Variants in QKI observed in about 807,000 individuals in gnomAD.
The protein encoded by QKI is QKI, KH domain containing RNA binding.
Under a neutral mutation model 39.0 loss-of-function variants are expected in QKI, and 10 were observed. The observed-to-expected ratio is 0.26, with a 90% CI of 0.16 to 0.43. The LOEUF is 0.43. QKI is among the 20% of genes least tolerant of loss of function. The pLI, the probability that QKI is intolerant of heterozygous loss-of-function variation, is 1.00. For synonymous variants in QKI, 204 were observed against 155.4 expected, an observed-to-expected ratio of 1.31 and a Z score of -2.33; for missense variants, 218 against 428.0, an observed-to-expected ratio of 0.51 and a Z score of 4.33.
chr6:163,566,673 C>G (rs1393955702), intron 6 of QKI, 48 bp from the exon 7 acceptor site: 8 of 1,603,142 alleles, frequency 5.0e-6, no homozygotes, highest in Non-Finnish European at 6.8e-6. Context: ...TTTTTTCCCC[C>G]CTTGTGAATG....
At chr6:163,570,474 C>T (rs994253428) in intron 7 of QKI, 10 of 957,252 alleles carry the variant, frequency 1.0e-5, no homozygotes, top group Non-Finnish European at 1.2e-5. Context: ...GGAGTGGGCT[C>T]TTCTTCATTT....
At chr6:163,559,636 A>G (rs1782872917) in intron 4 of QKI, among the ~76,000 whole-genome samples, 1 of 152,176 alleles carries the variant, frequency 6.6e-6, no homozygotes, top group Admixed American at 6.5e-5. Flanking sequence ...AGGTTTTTAA[A>G]AAGTTGGCAG....
chr6:163,558,388 C>CA (rs1562542831), intron 4 of QKI, among the ~76,000 whole-genome samples: 1 of 148,982 alleles, frequency 6.7e-6, no homozygotes, highest in African/African-American at 2.5e-5. Context: ...GTTGTCTCTT[C>CA]TTTTTTTTTC....
intron 7 of QKI, chr6:163,568,995 G>GT (rs1783542138): frequency 3.0e-6 from 3 of 985,048 alleles, no homozygotes; most frequent in South Asian, 4.7e-5. Flanking sequence ...AGAAGTCAGA[G>GT]TTTTTTCTGA....
intron 4 of QKI, among the ~76,000 whole-genome samples, chr6:163,540,486 C>T (rs1287446765): frequency 6.6e-6 from 1 of 152,064 alleles, no homozygotes; most frequent in East Asian, 1.9e-4. Context: ...CTTTTCAATT[C>T]GTATTTGGGT....
chr6:163,440,782 G>A (rs1211216326), intron 1 of QKI, among the ~76,000 whole-genome samples: 5 of 152,240 alleles, frequency 3.3e-5, no homozygotes, highest in Admixed American at 2.6e-4. Context: ...TAGGGCCTTG[G>A]CCAGTGCCTG....
chr6:163,530,728 GTCTC>G (rs959063953), intron 3 of QKI, among the ~76,000 whole-genome samples: 3 of 152,190 alleles, frequency 2.0e-5, no homozygotes, highest in South Asian at 4.1e-4. Context: ...GGGTTGGTCG[GTCTC>G]TCTCTTCACA....
chr6:163,547,103 T>G (rs1331748633), intron 4 of QKI, among the ~76,000 whole-genome samples: 1 of 152,170 alleles, frequency 6.6e-6, no homozygotes, highest in Non-Finnish European at 1.5e-5. Flanking sequence ...TAGCTTACTT[T>G]GTGACAGTAA....
At chr6:163,491,941 A>G (rs1394926680) in intron 3 of QKI, among the ~76,000 whole-genome samples, 4 of 152,234 alleles carry the variant, frequency 2.6e-5, no homozygotes, top group Non-Finnish European at 4.4e-5. Context: ...AGTCTCAGTG[A>G]AAAGGGAGAG....
At chr6:163,562,278 G>GT (rs888330964) in intron 5 of QKI, among the ~76,000 whole-genome samples, 4 of 152,208 alleles carry the variant, frequency 2.6e-5, no homozygotes, top group African/African-American at 7.2e-5. Flanking sequence ...GCATGTTGAA[G>GT]TTTTAGGTTG....
chr6:163,424,843 C>G (rs1562419249), intron 1 of QKI, among the ~76,000 whole-genome samples: 2 of 152,008 alleles, frequency 1.3e-5, no homozygotes, highest in East Asian at 3.9e-4. Flanking sequence ...GTTAGCCAGG[C>G]TGGTCTCCAA....
At chr6:163,551,716 G>A (rs765023500) in intron 4 of QKI, among the ~76,000 whole-genome samples, 3 of 152,156 alleles carry the variant, frequency 2.0e-5, no homozygotes, top group Non-Finnish European at 4.4e-5. Context: ...AATATCTCCT[G>A]GTGAAAAGCA....
chr6:163,524,629 C>G (rs957273503), intron 3 of QKI, among the ~76,000 whole-genome samples: 3 of 75,868 alleles, frequency 4.0e-5, no homozygotes, highest in Non-Finnish European at 8.0e-5. Flanking sequence ...CCACCATGCC[C>G]GGCTAATTTT....
intron 4 of QKI, among the ~76,000 whole-genome samples, chr6:163,547,212 G>A (rs890304744): frequency 2.0e-5 from 3 of 152,014 alleles, no homozygotes; most frequent in African/African-American, 7.3e-5. Context: ...AGCGTTGAAC[G>A]ACTGACAAAA....
At chr6:163,534,898 A>G in intron 3 of QKI, 84 bp from the exon 4 acceptor site, 1 of 1,085,688 alleles carries the variant, frequency 9.2e-7, no homozygotes. Flanking sequence ...TAGCTGAAAT[A>G]ATTGACAACA....
Position 163,414,815 on chromosome 6 carries a change from G to C in QKI, c.-379G>C, listed in dbSNP as rs1291444005. On this transcript the variant is annotated 5_prime_UTR_variant, in exon 1 of 8. Coordinates refer to ENST00000361752, the MANE Select transcript of QKI (RefSeq NM_006775.3). ...GGCACAGGCGGCGGCGGCGCTGAGC[G>C]GGCTCGACCAGCCGAGCGAGCGGCG... The C allele has an allele frequency of 6.9e-6, 1 of 145,946 alleles. No homozygotes were observed. The highest frequency in any genetic ancestry group is 1.5e-5 in the Non-Finnish European group (1 of 65,730). 9.0% of individuals were successfully genotyped at this position (145,946 alleles called of 1,614,324 possible).
At chr6:163,464,024 A>G (rs1180456481) in intron 2 of QKI, among the ~76,000 whole-genome samples, 4 of 151,972 alleles carry the variant, frequency 2.6e-5, no homozygotes, top group Non-Finnish European at 5.9e-5. Context: ...TCCTTTTGCT[A>G]TTTGTATGTG....
chr6:163,534,965 C>T lies in QKI; in HGVS notation c.403-17C>T, dbSNP rs965322868. Reference sequence around the variant, plus strand: ...TAAAGAGAATAATTTTAATCATGTACTCTGTAAATTTTTTAGGAGGAGCAA... The same window carrying T: ...TAAAGAGAATAATTTTAATCATGTATTCTGTAAATTTTTTAGGAGGAGCAA... On this transcript the variant is annotated splice_polypyrimidine_tract_variant and intron_variant, in intron 3 of 7. Coordinates refer to ENST00000361752, the MANE Select transcript of QKI (RefSeq NM_006775.3). The T allele has an allele frequency of 2.5e-6, 4 of 1,579,288 alleles. No individual in the cohort carries two copies. The highest frequency in any genetic ancestry group is 2.7e-5 in the African/African-American group (2 of 73,482).
intron 4 of QKI, among the ~76,000 whole-genome samples, chr6:163,558,620 G>C (rs1016146841): frequency 6.6e-6 from 1 of 151,836 alleles, no homozygotes. Context: ...GGCTGGTCTC[G>C]AACTCCTAAT....
Sources: allele counts gnomAD v4.1 joint callset (sites outside exome capture counted in the v4.1 genomes callset), GRCh38; gene constraint gnomAD v4.1.1; transcripts MANE v1.5; gene names NCBI Gene and HGNC (gene_info 2026-07-23, HGNC 2026-07-21).